Variants in PPP1R14C observed in about 807,000 individuals in gnomAD.
PPP1R14C encodes protein phosphatase 1 regulatory subunit 14C.
In PPP1R14C, 16 loss-of-function variants were observed where a neutral mutation model predicts 20.4. That is an observed-to-expected ratio of 0.78 (90% CI 0.53 to 1.19). The LOEUF (loss-of-function observed/expected upper bound fraction) is 1.19, where lower values mean the gene tolerates loss of function less well. Ranked by LOEUF, PPP1R14C falls within the 50% of genes most tolerant of loss-of-function variation. The pLI is 0.00. For synonymous variants in PPP1R14C, 91 were observed against 91.0 expected (o/e 1.00, Z 0.00); for missense variants, 211 against 220.1 (o/e 0.96, Z 0.26).
chr6:150,246,182 G>T (rs992263175), intron 3 of PPP1R14C, among the ~76,000 whole-genome samples: 2 of 152,098 alleles, frequency 1.3e-5, no homozygotes, highest in Non-Finnish European at 2.9e-5. Context: ...GGTCTGTAGG[G>T]TCGATTATTC....
At chr6:150,192,967 C>T (rs553985865) in intron 1 of PPP1R14C, among the ~76,000 whole-genome samples, 1 of 152,300 alleles carries the variant, frequency 6.6e-6, no homozygotes, top group East Asian at 1.9e-4. Flanking sequence ...ACACATTTGG[C>T]TGACCTTTTA....
chr6:150,242,810 C>CA (rs552708914), intron 3 of PPP1R14C, among the ~76,000 whole-genome samples: 14 of 151,972 alleles, frequency 9.2e-5, no homozygotes, highest in South Asian at 2.1e-4. Context: ...ATAGAATCTA[C>CA]AAAAAAATCT....
intron 3 of PPP1R14C, among the ~76,000 whole-genome samples, chr6:150,237,423 G>A (rs1489822788): frequency 4.6e-5 from 7 of 152,114 alleles, no homozygotes; most frequent in Middle Eastern, 3.4e-3. Context: ...CGATGGTCTC[G>A]AACTCCCAAC....
chr6:150,174,211 G>C lies in PPP1R14C; in HGVS notation c.306+30713G>C, dbSNP rs182785246. On this transcript the variant is annotated intron_variant, in intron 1 of 3. Coordinates refer to ENST00000361131, the MANE Select transcript of PPP1R14C (RefSeq NM_030949.3). ...ACTTACTAACTTACCCATACTTCTT[G>C]GTATTTATAAATCAATTACAAAGAA... 4.6e-5 allele frequency among the ~76,000 whole-genome samples: 7 copies of C among 152,064 alleles called. No individual in the cohort carries two copies. In the East Asian group the frequency reaches 1.4e-3, roughly 29 times the overall value.
chr6:150,209,841 TTGTG>T (rs148237324), intron 1 of PPP1R14C, among the ~76,000 whole-genome samples: 14 of 143,840 alleles, frequency 9.7e-5, no homozygotes, highest in South Asian at 8.9e-4. Context: ...GTGTATATAT[TTGTG>T]TGTGTGTGTG....
chr6:150,223,809 A>C (rs1023057263), intron 3 of PPP1R14C, among the ~76,000 whole-genome samples: 11 of 152,142 alleles, frequency 7.2e-5, no homozygotes, highest in African/African-American at 1.4e-4. Flanking sequence ...TTCTCTTTTA[A>C]TTCTCTTGAC....
At chr6:150,213,288 A>T (rs1375040806) in intron 1 of PPP1R14C, among the ~76,000 whole-genome samples, 1 of 152,006 alleles carries the variant, frequency 6.6e-6, no homozygotes, top group Non-Finnish European at 1.5e-5. Context: ...GTCAGCGAGG[A>T]TAGTGTATCA....
At position 150,185,417 on chromosome 6, in the gene PPP1R14C, G is replaced by A. The variant is rs890261301; in HGVS notation, c.307-29327G>A. 6.6e-5 allele frequency among the ~76,000 whole-genome samples: 10 copies of A among 152,138 alleles called. No homozygotes were observed. The highest frequency in any genetic ancestry group is 2.1e-4 in the South Asian group (1 of 4,812). ...TACCTCATCGATTTCCTGACTGCTCGTCTTGCCATGGGGACCATCCTTGCA... is the reference window on the plus strand; with the variant it reads ...TACCTCATCGATTTCCTGACTGCTCATCTTGCCATGGGGACCATCCTTGCA... On this transcript the variant is annotated intron_variant, in intron 1 of 3. Transcript: ENST00000361131. The surrounding 1 kb of genome is among the most constrained non-coding windows in gnomAD (Gnocchi z 4.1).
chr6:150,189,694 C>T (rs185822105), intron 1 of PPP1R14C, among the ~76,000 whole-genome samples: 1 of 152,246 alleles, frequency 6.6e-6, no homozygotes, highest in Admixed American at 6.5e-5. Context: ...CGGTAGAGAA[C>T]ATTTCTGACT....
chr6:150,198,479 C>T (rs1203824673), intron 1 of PPP1R14C, among the ~76,000 whole-genome samples: 1 of 152,264 alleles, frequency 6.6e-6, no homozygotes, highest in Non-Finnish European at 1.5e-5. Context: ...GGCTTGTTCC[C>T]CTGCCAGAAT....
intron 1 of PPP1R14C, among the ~76,000 whole-genome samples, chr6:150,182,225 C>G (rs1378592838): frequency 1.3e-5 from 2 of 152,206 alleles, no homozygotes; most frequent in East Asian, 3.8e-4. Flanking sequence ...GGCTTTGAAT[C>G]TGGCCTCCCT....
intron 1 of PPP1R14C, chr6:150,194,570 A>G: frequency 1.0e-6 from 1 of 977,448 alleles, no homozygotes; most frequent in Non-Finnish European, 1.2e-6. Flanking sequence ...TACCAGTAGG[A>G]TGCAAAAATG....
Position 150,143,170 on chromosome 6 carries a change from C to A in PPP1R14C, c.-23C>A. 1 of 1,305,536 alleles carries A rather than the reference C, an allele frequency of 7.7e-7. No homozygotes were observed. The highest frequency in any genetic ancestry group is 9.7e-7 in the Non-Finnish European group (1 of 1,035,776). The allele number at this position is 1,305,536 out of a possible 1,614,324, so 80.9% of individuals were successfully genotyped here. ...CCGCCCGCCCCTCCTCCGGGCCGCA[C>A]TGAGGCTCGGGCGCGCGGGGACATG... On this transcript the variant is annotated 5_prime_UTR_variant, in exon 1 of 4. It adds an upstream start codon to the 5' untranslated region. Transcript: ENST00000361131. The surrounding 1 kb of genome is among the most constrained non-coding windows in gnomAD (Gnocchi z 5.6).
chr6:150,174,410 G>GT (rs1188591319), intron 1 of PPP1R14C, among the ~76,000 whole-genome samples: 2 of 147,454 alleles, frequency 1.4e-5, no homozygotes, highest in African/African-American at 2.5e-5. Context: ...TAGAGATGGG[G>GT]TTTCACCGTG....
Position 150,199,456 on chromosome 6 carries a change from T to A in PPP1R14C, c.307-15288T>A, listed in dbSNP as rs1777850159. ...CCATTTCACCTTCCTCTGATCTGTGTGAGGACACTGTGTTCTGGAGGGTGC... is the reference window on the plus strand; with the variant it reads ...CCATTTCACCTTCCTCTGATCTGTGAGAGGACACTGTGTTCTGGAGGGTGC... On this transcript the variant is annotated intron_variant, in intron 1 of 3. Coordinates refer to ENST00000361131, the MANE Select transcript of PPP1R14C (RefSeq NM_030949.3). 3.3e-5 allele frequency among the ~76,000 whole-genome samples: 5 copies of A among 152,328 alleles called. 1 individual carries two copies. The South Asian group carries it at 1.0e-3, about 32-fold the overall frequency.
chr6:150,207,112 C>G (rs1777962450), intron 1 of PPP1R14C, among the ~76,000 whole-genome samples: 1 of 152,108 alleles, frequency 6.6e-6, no homozygotes, highest in Admixed American at 6.5e-5. Flanking sequence ...ATCTGCCTGC[C>G]TCGATCTCCC....
At chr6:150,179,153 C>T (rs1419334638) in intron 1 of PPP1R14C, among the ~76,000 whole-genome samples, 1 of 152,150 alleles carries the variant, frequency 6.6e-6, no homozygotes, top group African/African-American at 2.4e-5. Context: ...TACCTGTAGT[C>T]CCAGCACTTT....
At chr6:150,157,427 C>T (rs1023312531) in intron 1 of PPP1R14C, among the ~76,000 whole-genome samples, 13 of 151,298 alleles carry the variant, frequency 8.6e-5, no homozygotes, top group Non-Finnish European at 1.9e-4. Flanking sequence ...CAGTTTGTCT[C>T]ATTATCTCAT....
At chr6:150,182,129 G>A (rs952351369) in intron 1 of PPP1R14C, among the ~76,000 whole-genome samples, 1 of 98,930 alleles carries the variant, frequency 1.0e-5, no homozygotes, top group Non-Finnish European at 2.1e-5. Context: ...AAATTGGTAT[G>A]CATTTATAAT....
Sources: gnomAD v4.1 joint callset for allele counts (sites outside exome capture counted in the v4.1 genomes callset) on GRCh38, gnomAD v4.1.1 for gene constraint, Gnocchi (gnomAD v3.1) non-coding constraint, MANE v1.5 for transcripts, NCBI Gene and HGNC (gene_info 2026-07-23, HGNC 2026-07-21) for gene names.